MMP26: variants seen among roughly 807,000 people sequenced by gnomAD.
MMP26 encodes matrix metalloproteinase-26.
Under a neutral mutation model 31.0 loss-of-function variants are expected in MMP26, and 33 were observed. The ratio of observed to expected loss-of-function variants is 1.06; its 90% CI spans 0.81 to 1.42. The LOEUF is 1.42. Among genes scored for constraint, MMP26 ranks in the 40% most tolerant of loss-of-function variants. The pLI, the probability that MMP26 is intolerant of heterozygous loss-of-function variation, is 0.00. For synonymous variants in MMP26, 122 were observed against 114.9 expected, an observed-to-expected ratio of 1.06 and a Z score of -0.40; for missense variants, 347 against 316.1, an observed-to-expected ratio of 1.10 and a Z score of -0.74.
At chr11:4,893,640 A>G (rs905312967) in intron 2 of MMP26, among the ~76,000 whole-genome samples, 21 of 152,178 alleles carry the variant, frequency 1.4e-4, no homozygotes, top group East Asian at 1.2e-3. Flanking sequence ...GGAAAATCCA[A>G]TTCTGTCACT....
chr11:4,923,755 A>G (rs1476336211), intron 2 of MMP26: 3 of 1,614,102 alleles, frequency 1.9e-6, no homozygotes, highest in Non-Finnish European at 2.5e-6. Context: ...TGTGATTGAC[A>G]ATGATGCTAG....
chr11:4,989,525 A>C (rs1386121395), intron 3 of MMP26, 123 bp from the exon 4 acceptor site: 1 of 677,460 alleles, frequency 1.5e-6, no homozygotes, highest in African/African-American at 1.8e-5. Context: ...AGAACAGGAG[A>C]CTTAGGAAGG....
intron 2 of MMP26, chr11:4,876,291 T>A (rs868657224): frequency 6.6e-5 from 10 of 152,164 alleles, no homozygotes; most frequent in African/African-American, 2.4e-4. Flanking sequence ...ATGTCCCTAG[T>A]AGGTGCAGAT....
At chr11:4,872,160 A>C (rs1201640241) in intron 2 of MMP26, among the ~76,000 whole-genome samples, 1 of 152,140 alleles carries the variant, frequency 6.6e-6, no homozygotes, top group African/African-American at 2.4e-5. Context: ...CAGAGCCTGG[A>C]ACATGAACAA....
chr11:4,848,637 T>C, intron 2 of MMP26: 1 of 1,612,382 alleles, frequency 6.2e-7, no homozygotes, highest in East Asian at 2.2e-5. Flanking sequence ...ACGAGCCACA[T>C]CTGGATGCAA....
intron 2 of MMP26, among the ~76,000 whole-genome samples, chr11:4,958,045 C>T (rs902602059): frequency 6.6e-6 from 1 of 152,144 alleles, no homozygotes; most frequent in Non-Finnish European, 1.5e-5. Context: ...AATTCACTCC[C>T]AACAAGAGTT....
At position 4,919,971 on chromosome 11, in the gene MMP26, G is replaced by A. The variant is rs188348251; in HGVS notation, c.-144-68097G>A. Among the ~76,000 whole-genome samples the A allele has an allele frequency of 5.3e-4, 80 of 152,154 alleles. 1 individual carries two copies. Among genetic ancestry groups the A allele is most frequent in the Non-Finnish European group, 8.5e-4 (58 of 68,008 alleles). ...TAATTGGAGAAACTAATCCATTCTTGTACACTTGGGGGTGAGATGAGCCCC... is the reference window on the plus strand; with the variant it reads ...TAATTGGAGAAACTAATCCATTCTTATACACTTGGGGGTGAGATGAGCCCC... On this transcript the variant is annotated intron_variant, in intron 2 of 7. Coordinates refer to ENST00000380390, the MANE Select transcript of MMP26 (RefSeq NM_021801.5).
chr11:4,837,818 GAC>G (rs1428068386), intron 2 of MMP26, among the ~76,000 whole-genome samples: 2 of 152,006 alleles, frequency 1.3e-5, no homozygotes, highest in Non-Finnish European at 2.9e-5. Flanking sequence ...GTGAAAGAGA[GAC>G]AGTTTTCTGC....
chr11:4,727,657 A>C (rs1361617981), intron 1 of MMP26, among the ~76,000 whole-genome samples: 1 of 152,186 alleles, frequency 6.6e-6, no homozygotes, highest in East Asian at 1.9e-4. Flanking sequence ...TAAAAATACA[A>C]AAATCAGTCA....
intron 2 of MMP26, among the ~76,000 whole-genome samples, chr11:4,921,143 G>C (rs988163977): frequency 6.6e-6 from 1 of 152,312 alleles, no homozygotes; most frequent in Non-Finnish European, 1.5e-5. Flanking sequence ...GCAGCTTGTA[G>C]GACTTTTATA....
chr11:4,991,509 T>A lies in MMP26; in HGVS notation c.595+13T>A. ...GCTTCAGACACTGGTAAATGCCTTG[T>A]TTGGTGGGATCGCTAGAACTCTCTG... On this transcript the variant is annotated intron_variant, in intron 6 of 7. Transcript: ENST00000380390. 1.9e-6 allele frequency: 3 copies of A among 1,611,904 alleles called. No homozygotes were observed. Among genetic ancestry groups the A allele is most frequent in the Non-Finnish European group, 2.5e-6 (3 of 1,178,344 alleles).
intron 2 of MMP26, among the ~76,000 whole-genome samples, chr11:4,942,089 C>CAAAAAAACAAAAAAAAAAAAA (rs769948564): frequency 5.4e-5 from 2 of 37,122 alleles, no homozygotes; most frequent in African/African-American, 2.2e-4. Flanking sequence ...GAGTCCATCT[C>CAAAAAAACAAAAAAAAAAAAA]AAAAAAAAAA....
chr11:4,935,516 C>T (rs1327054079), intron 2 of MMP26, among the ~76,000 whole-genome samples: 2 of 150,990 alleles, frequency 1.3e-5, no homozygotes, highest in African/African-American at 4.8e-5. Flanking sequence ...ATCATGTCAT[C>T]TGCAAACAGG....
At chr11:4,757,028 C>T (rs73393052) in intron 1 of MMP26, among the ~76,000 whole-genome samples, 9,051 of 151,780 alleles carry the variant, frequency 0.06, 886 homozygotes, top group African/African-American at 0.21. Context: ...ATAATTTATA[C>T]GGAAATGCAA....
Position 4,746,858 on chromosome 11 carries a change from C to A in MMP26, c.-216-20412C>A, listed in dbSNP as rs546987764. Among the ~76,000 whole-genome samples, 4 of 151,280 alleles carry A rather than the reference C, an allele frequency of 2.6e-5. No homozygotes were observed. The East Asian group carries it at 7.8e-4, about 29-fold the overall frequency. ...ACACACACACACACACACACACACA[C>A]ACACACACACACACACACAAAGGCT... On this transcript the variant is annotated intron_variant, in intron 1 of 7. Transcript: ENST00000380390.
intron 1 of MMP26, among the ~76,000 whole-genome samples, chr11:4,728,037 A>T (rs972580607): frequency 6.6e-6 from 1 of 152,226 alleles, no homozygotes; most frequent in Non-Finnish European, 1.5e-5. Flanking sequence ...AATTTTAAAA[A>T]CAAGGTATGT....
At chr11:4,907,112 A>AAAAAAAAAAAAAAAAAAC in intron 2 of MMP26, among the ~76,000 whole-genome samples, 1 of 149,994 alleles carries the variant, frequency 6.7e-6, no homozygotes, top group African/African-American at 2.5e-5. Context: ...AAAAAAAAAA[A>AAAAAAAAAAAAAAAAAAC]AAATCCTAAA....
intron 2 of MMP26, among the ~76,000 whole-genome samples, chr11:4,899,532 G>C (rs1251591654): frequency 1.3e-5 from 2 of 152,116 alleles, no homozygotes; most frequent in Non-Finnish European, 2.9e-5. Context: ...TGTCTCTATA[G>C]AATGACCTTT....
chr11:4,944,259 A>G (rs1846260919), intron 2 of MMP26: 1 of 307,252 alleles, frequency 3.3e-6, no homozygotes, highest in Non-Finnish European at 6.3e-6. Flanking sequence ...ATTCAAGATA[A>G]TACTATCCTG....
Sources: allele counts gnomAD v4.1 joint callset (sites outside exome capture counted in the v4.1 genomes callset), GRCh38; gene constraint gnomAD v4.1.1; transcripts MANE v1.5; gene names NCBI Gene and HGNC (gene_info 2026-07-23, HGNC 2026-07-21).